INTS4: variants seen among roughly 807,000 people sequenced by gnomAD.
The protein encoded by INTS4 is integrator complex subunit 4.
Under a neutral mutation model 119.5 loss-of-function variants are expected in INTS4, and 70 were observed. That is an observed-to-expected ratio of 0.59 (90% CI 0.48 to 0.71). INTS4 has a LOEUF of 0.71. Ranked by LOEUF, INTS4 falls within the 30% of genes least tolerant of loss-of-function variation. The pLI is 0.00. For missense variants in INTS4, 867 were observed against 1,173.2 expected, an observed-to-expected ratio of 0.74 and a Z score of 3.81; for synonymous variants, 316 against 419.6, an observed-to-expected ratio of 0.75 and a Z score of 3.02.
In INTS4 at chr11:77,993,230, G is replaced by A. The variant is rs7127205; in HGVS notation, c.54+1360C>T. 9.5e-4 allele frequency among the ~76,000 whole-genome samples: 145 copies of A among 152,262 alleles called. 1 individual carries two copies. Among genetic ancestry groups the A allele is most frequent in the African/African-American group, 3.3e-3 (137 of 41,532 alleles). ...CGACTGGTGGGAAGATAGGTACACC[G>A]GTAATGACAGCAGCACTGAACAAAA... On this transcript the variant is annotated intron_variant, in intron 1 of 22. Transcript: ENST00000534064.
intron 10 of INTS4, among the ~76,000 whole-genome samples, chr11:77,932,461 A>G (rs1363706595): frequency 6.6e-6 from 1 of 152,166 alleles, no homozygotes; most frequent in Non-Finnish European, 1.5e-5. Flanking sequence ...GAAACAACAG[A>G]TGCTGGAGAA....
intron 20 of INTS4, 33 bp downstream of exon 20, chr11:77,891,648 G>T (rs756088225): frequency 6.2e-7 from 1 of 1,609,520 alleles, no homozygotes; most frequent in South Asian, 1.1e-5. Flanking sequence ...CGTCTGGACA[G>T]ATTTGGCCTA....
At chr11:77,909,242 A>G (rs572672842) in intron 15 of INTS4, among the ~76,000 whole-genome samples, 21 of 152,390 alleles carry the variant, frequency 1.4e-4, no homozygotes, top group Non-Finnish European at 2.5e-4. Flanking sequence ...AATGATATAA[A>G]TAAGCCACTT....
At chr11:77,926,765 T>C (rs1953511981) in intron 11 of INTS4, among the ~76,000 whole-genome samples, 2 of 136,474 alleles carry the variant, frequency 1.5e-5, no homozygotes, top group Admixed American at 1.6e-4. Flanking sequence ...TAAGCCAAGA[T>C]CGTACCACCG....
chr11:77,891,867 C>A, intron 19 of INTS4, 27 bp from the exon 20 acceptor site: 1 of 1,610,232 alleles, frequency 6.2e-7, no homozygotes, highest in Non-Finnish European at 8.5e-7. Context: ...AAGCAACTGA[C>A]TCATTCAACT....
chr11:77,955,835 T>C (rs1954306819), intron 8 of INTS4, 107 bp downstream of exon 8: 1 of 1,017,864 alleles, frequency 9.8e-7, no homozygotes, highest in Non-Finnish European at 1.5e-6. Context: ...GGAGGACTGC[T>C]TGAGGCCAAG....
At chr11:77,953,460 C>G (rs2136561352) in intron 8 of INTS4, among the ~76,000 whole-genome samples, 1 of 152,194 alleles carries the variant, frequency 6.6e-6, no homozygotes, top group South Asian at 2.1e-4. Flanking sequence ...GATATTAGAA[C>G]CCCACTTAAC....
chr11:77,895,308 ACT>A (rs1485204423), intron 18 of INTS4, among the ~76,000 whole-genome samples: 1 of 152,044 alleles, frequency 6.6e-6, no homozygotes, highest in African/African-American at 2.4e-5. Flanking sequence ...TAAAACAAAT[ACT>A]CTTTCCTTAT....
At chr11:77,915,830 A>G (rs966884717) in intron 15 of INTS4, among the ~76,000 whole-genome samples, 1 of 152,252 alleles carries the variant, frequency 6.6e-6, no homozygotes, top group Non-Finnish European at 1.5e-5. Context: ...GGTTCCAGAC[A>G]TGATTTATTA....
chr11:77,923,189 G>A (rs1189013967), intron 12 of INTS4, among the ~76,000 whole-genome samples: 1 of 151,930 alleles, frequency 6.6e-6, no homozygotes, highest in African/African-American at 2.4e-5. Context: ...ATGGTGGCAC[G>A]GGCCTGTAGT....
At chr11:77,955,068 A>G (rs1954285980) in intron 8 of INTS4, among the ~76,000 whole-genome samples, 2 of 152,234 alleles carry the variant, frequency 1.3e-5, no homozygotes, top group East Asian at 1.9e-4. Context: ...GGCTGGGAGT[A>G]GTGGCTTAAA....
intron 15 of INTS4, among the ~76,000 whole-genome samples, chr11:77,910,431 C>T (rs1458052878): frequency 1.8e-4 from 18 of 100,214 alleles, no homozygotes; most frequent in Admixed American, 1.1e-3. Context: ...CATCACACCC[C>T]GGGGCCTGTT....
chr11:77,991,300 C>T lies in INTS4; in HGVS notation c.55-1G>A. ...TCTTAGTAGCAATTTCCTCCTGTGG[C>T]TGCAAGGGGTAGAGAAAATCGAAAA... On this transcript the variant is annotated splice_acceptor_variant, in intron 1 of 22. Transcript: ENST00000534064. LOFTEE classifies it high-confidence loss of function. The T allele has an allele frequency of 6.2e-7, 1 of 1,611,864 alleles. No homozygotes were observed. The highest frequency in any genetic ancestry group is 8.5e-7 in the Non-Finnish European group (1 of 1,178,090).
chr11:77,993,553 T>C (rs553599457), intron 1 of INTS4, among the ~76,000 whole-genome samples: 176 of 152,356 alleles, frequency 1.2e-3, no homozygotes, highest in African/African-American at 4.0e-3. Flanking sequence ...AATCACATTG[T>C]GCAACAGTGC....
rs1370059530 is a variant in INTS4, at chr11:77,949,359, T to C, written c.918+6583A>G. ...AAAAGCAATGGCAACGAAGCCAAAA[T>C]TGAGAAATGGGATCTAATTAAACTA... On this transcript the variant is annotated intron_variant, in intron 8 of 22. Coordinates refer to ENST00000534064, the MANE Select transcript of INTS4 (RefSeq NM_033547.4). Among the ~76,000 whole-genome samples, 5 of 151,886 alleles carry C rather than the reference T, an allele frequency of 3.3e-5. No homozygotes were observed. In the East Asian group the frequency reaches 7.7e-4, roughly 23 times the overall value.
chr11:77,948,633 T>C (rs1449094233), intron 8 of INTS4, among the ~76,000 whole-genome samples: 1 of 122,098 alleles, frequency 8.2e-6, no homozygotes, highest in Non-Finnish European at 1.6e-5. Flanking sequence ...GGTGACGGAG[T>C]GAGACCCTGT....
At chr11:77,960,290 C>G in intron 6 of INTS4, 51 bp downstream of exon 6, 1 of 1,362,754 alleles carries the variant, frequency 7.3e-7, no homozygotes, top group South Asian at 1.3e-5. Context: ...TGCCGCCCTC[C>G]CAGCTTCATG....
chr11:77,900,136 G>A (rs925041358), intron 18 of INTS4, among the ~76,000 whole-genome samples: 27 of 150,686 alleles, frequency 1.8e-4, no homozygotes, highest in African/African-American at 6.4e-4. Context: ...GTCTTGCTCT[G>A]TTGCCCAGGC....
intron 3 of INTS4, among the ~76,000 whole-genome samples, chr11:77,980,071 T>C (rs1292347726): frequency 6.6e-6 from 1 of 151,324 alleles, no homozygotes; most frequent in East Asian, 1.9e-4. Context: ...ATATAATACA[T>C]ACATACCAGG....
Sources: allele counts gnomAD v4.1 joint callset (sites outside exome capture counted in the v4.1 genomes callset), GRCh38; gene constraint gnomAD v4.1.1; transcripts MANE v1.5; gene names NCBI Gene and HGNC (gene_info 2026-07-23, HGNC 2026-07-21).